The following TMC7 variants were observed in gnomAD, a reference collection of about 807,000 sequenced individuals.
TMC7 encodes the protein transmembrane channel like 7.
In TMC7, 54 loss-of-function variants were observed where a neutral mutation model predicts 82.9. The observed-to-expected ratio is 0.65, with a 90% CI of 0.52 to 0.82. The LOEUF (loss-of-function observed/expected upper bound fraction) is 0.82, where lower values mean the gene tolerates loss of function less well. TMC7 is among the 40% of genes least tolerant of loss of function. The pLI is 0.00. For synonymous variants in TMC7, 350 were observed against 337.9 expected, an observed-to-expected ratio of 1.04 and a Z score of -0.39; for missense variants, 820 against 901.2, an observed-to-expected ratio of 0.91 and a Z score of 1.15.
chr16:19,003,571 C>T lies in TMC7; in HGVS notation c.68-5601C>T, dbSNP rs1158868305. ...TGAGAACGGGCCAGGATGACAATGG[C>T]GGCTTTGTGGAATAGAAAGGCGGGA... On this transcript the variant is annotated intron_variant, in intron 1 of 15. Transcript: ENST00000304381. 7.5e-5 allele frequency among the ~76,000 whole-genome samples: 11 copies of T among 147,150 alleles called. No individual in the cohort carries two copies. The South Asian group carries it at 1.6e-3, about 21-fold the overall frequency.
intron 5 of TMC7, among the ~76,000 whole-genome samples, chr16:19,024,364 T>A (rs1473380308): frequency 6.6e-6 from 1 of 152,028 alleles, no homozygotes; most frequent in Non-Finnish European, 1.5e-5. Context: ...GAGGCTGCAG[T>A]GAGCCAAGAC....
At position 19,063,658 on chromosome 16, in the gene TMC7, T is replaced by C. The variant is rs1176002094; in HGVS notation, c.*1815T>C. 1.4e-5 allele frequency: 2 copies of C among 144,078 alleles called. No individual in the cohort carries two copies. The highest frequency in any genetic ancestry group is 3.1e-5 in the Non-Finnish European group (2 of 65,514). 8.9% of individuals were successfully genotyped at this position (144,078 alleles called of 1,614,324 possible). ...TTCACTGTGACCAGACTTGATGATA[T>C]TCAAGTTTTCTATTTGTGTGTGTGT... On this transcript the variant is annotated 3_prime_UTR_variant, in exon 16 of 16. Coordinates refer to ENST00000304381, the MANE Select transcript of TMC7 (RefSeq NM_024847.4).
Position 19,061,896 on chromosome 16 carries a change from A to G in TMC7, c.*53A>G. The G allele has an allele frequency of 6.6e-7, 1 of 1,507,598 alleles. No individual in the cohort carries two copies. The highest frequency in any genetic ancestry group is 9.1e-7 in the Non-Finnish European group (1 of 1,096,012). The allele number at this position is 1,507,598 out of a possible 1,614,324, so 93.4% of individuals were successfully genotyped here. A position where few individuals can be genotyped will look rare whatever the true frequency, so the allele number is the denominator to read the frequency against. ...CTGTTGCTTCTAAGCTGACCTAGTG[A>G]TTCTGCTGAGCCTACAGAGTCTACC... On this transcript the variant is annotated 3_prime_UTR_variant, in exon 16 of 16. Coordinates refer to ENST00000304381, the MANE Select transcript of TMC7 (RefSeq NM_024847.4).
Position 19,063,796 on chromosome 16 carries a change from T to C in TMC7, c.*1953T>C, listed in dbSNP as rs937587524. 6.6e-6 allele frequency: 1 copy of C among 152,188 alleles called. No homozygotes were observed. Among genetic ancestry groups the C allele is most frequent in the Non-Finnish European group, 1.5e-5 (1 of 68,046 alleles). 9.4% of individuals were successfully genotyped at this position (152,188 alleles called of 1,614,324 possible). On this transcript the variant is annotated 3_prime_UTR_variant, in exon 16 of 16. Coordinates refer to ENST00000304381, the MANE Select transcript of TMC7 (RefSeq NM_024847.4). ...ATTAATTTTAGTTAAATGCTGCTAATATGCATACCTCTTACTTGAAGGTTT... is the reference window on the plus strand; with the variant it reads ...ATTAATTTTAGTTAAATGCTGCTAACATGCATACCTCTTACTTGAAGGTTT...
At chr16:19,022,682 C>T (rs1408954835) in intron 4 of TMC7, among the ~76,000 whole-genome samples, 1 of 152,198 alleles carries the variant, frequency 6.6e-6, no homozygotes, top group African/African-American at 2.4e-5. Context: ...ACTGTATCCT[C>T]CTCGTTAAGC....
At chr16:19,029,048 C>T (rs895068069) in intron 5 of TMC7, among the ~76,000 whole-genome samples, 1 of 151,394 alleles carries the variant, frequency 6.6e-6, no homozygotes, top group Non-Finnish European at 1.5e-5. Flanking sequence ...CTCTGTCACC[C>T]AGGCTGGAGT....
In TMC7 at chr16:18,984,050, C is replaced by G. The variant is rs746979153; in HGVS notation, c.-14C>G. 119 of 1,473,292 alleles carry G rather than the reference C, an allele frequency of 8.1e-5. No homozygotes were observed. The African/African-American group carries it at 1.5e-3, about 19-fold the overall frequency. The allele number at this position is 1,473,292 out of a possible 1,614,324, so 91.3% of individuals were successfully genotyped here. A position where few individuals can be genotyped will look rare whatever the true frequency, so the allele number is the denominator to read the frequency against. The stretch of plus-strand genomic sequence containing the variant: ...AGGGTCCTCGGCAGCCTCTGAGGAG[C>G]GCGGGGCGCGGCCATGAGCGAGTCC... On this transcript the variant is annotated 5_prime_UTR_variant, in exon 1 of 16. Transcript: ENST00000304381.
chr16:19,053,874 G>A (rs1306569250), intron 13 of TMC7, among the ~76,000 whole-genome samples: 4 of 131,838 alleles, frequency 3.0e-5, no homozygotes, highest in African/African-American at 8.7e-5. Flanking sequence ...TTAAAGATGC[G>A]ATCTTGCTAT....
intron 1 of TMC7, among the ~76,000 whole-genome samples, chr16:18,995,976 C>T (rs1361741030): frequency 2.0e-5 from 3 of 151,996 alleles, no homozygotes; most frequent in Non-Finnish European, 4.4e-5. Flanking sequence ...TGAAAAAAAA[C>T]CTAAATGCTA....
chr16:19,037,664 G>T (rs1296736596), intron 7 of TMC7, among the ~76,000 whole-genome samples: 4 of 151,750 alleles, frequency 2.6e-5, no homozygotes, highest in Admixed American at 1.3e-4. Context: ...GTAGAGATGG[G>T]GTCTCACTAT....
intron 1 of TMC7, among the ~76,000 whole-genome samples, chr16:18,987,825 C>T (rs1410504910): frequency 6.6e-6 from 1 of 152,150 alleles, no homozygotes. Context: ...TCATTGGCCT[C>T]TCCTCCAGCC....
intron 6 of TMC7, among the ~76,000 whole-genome samples, chr16:19,032,648 A>G (rs1057078796): frequency 3.3e-5 from 5 of 151,758 alleles, no homozygotes; most frequent in Non-Finnish European, 7.4e-5. Flanking sequence ...TTGTTTTTCA[A>G]GACGAGTCTT....
chr16:18,987,047 C>T (rs371008292), intron 1 of TMC7, among the ~76,000 whole-genome samples: 3 of 152,034 alleles, frequency 2.0e-5, no homozygotes, highest in Admixed American at 1.3e-4. Context: ...CCTCGTGATC[C>T]GCCCGCCTGG....
At chr16:19,049,186 G>A (rs1961415523) in intron 12 of TMC7, among the ~76,000 whole-genome samples, 2 of 152,244 alleles carry the variant, frequency 1.3e-5, no homozygotes, top group East Asian at 1.9e-4. Flanking sequence ...ACCGTGCCAA[G>A]CTAATTTTTG....
chr16:18,984,268 A>G, intron 1 of TMC7, 138 bp downstream of exon 1: 1 of 1,338,112 alleles, frequency 7.5e-7, no homozygotes, highest in Non-Finnish European at 9.5e-7. Context: ...TCTGGGGAAC[A>G]GCAGGTGGGA....
At chr16:18,992,004 C>A (rs1053987366) in intron 1 of TMC7, among the ~76,000 whole-genome samples, 1 of 152,106 alleles carries the variant, frequency 6.6e-6, no homozygotes, top group African/African-American at 2.4e-5. Context: ...CATTGATAGA[C>A]ATTTGGGTTG....
At chr16:19,059,737 G>A (rs1186119954) in intron 15 of TMC7, 1 of 1,459,366 alleles carries the variant, frequency 6.9e-7, no homozygotes, top group Non-Finnish European at 9.2e-7. Context: ...GCACTTTTGG[G>A]AGGCCGAGGC....
chr16:19,015,895 G>C (rs1187819722), intron 2 of TMC7, among the ~76,000 whole-genome samples: 1 of 152,042 alleles, frequency 6.6e-6, no homozygotes, highest in East Asian at 1.9e-4. Flanking sequence ...GTTTTTGTTT[G>C]AGAGCCCTGT....
At chr16:18,985,660 T>G (rs1307480857) in intron 1 of TMC7, among the ~76,000 whole-genome samples, 1 of 151,914 alleles carries the variant, frequency 6.6e-6, no homozygotes, top group Non-Finnish European at 1.5e-5. Flanking sequence ...AATTGGGCCC[T>G]CTAACTAAAA....
Sources: gnomAD v4.1 joint callset for allele counts (sites outside exome capture counted in the v4.1 genomes callset) on GRCh38, gnomAD v4.1.1 for gene constraint, MANE v1.5 for transcripts, NCBI Gene and HGNC (gene_info 2026-07-23, HGNC 2026-07-21) for gene names.